Variants in IPPK observed in about 807,000 individuals in gnomAD.
IPPK encodes the protein inositol-pentakisphosphate 2-kinase, also known as IPK1 homolog.
A neutral mutation model predicts 64.6 loss-of-function variants in IPPK; 22 were observed. That is an observed-to-expected ratio of 0.34 (90% CI 0.24 to 0.49). The LOEUF is 0.49. Ranked by LOEUF, IPPK falls within the 20% of genes least tolerant of loss-of-function variation. The probability of loss-of-function intolerance (pLI) is 0.99; values close to 1 mark genes in which losing one functional copy is unlikely to be tolerated. For synonymous variants in IPPK, 262 were observed against 247.2 expected (o/e 1.06, Z -0.56); for missense variants, 532 against 630.7 (o/e 0.84, Z 1.68).
In IPPK at chr9:92,618,430, G is replaced by A. The variant is rs966139798; in HGVS notation, c.1250+1056C>T. 3 of 456,552 alleles carry A rather than the reference G, an allele frequency of 6.6e-6. No homozygotes were observed. In the East Asian group the frequency reaches 2.1e-4, roughly 32 times the overall value. The allele number at this position is 456,552 out of a possible 1,614,324, so 28.3% of individuals were successfully genotyped here. On this transcript the variant is annotated intron_variant, in intron 12 of 12. Transcript: ENST00000287996. ...ACTAAGAGATTCCCAGGTGCTAGAC[G>A]AGGTGAGTAACATGTCTGTCCTTCA...
chr9:92,627,499 C>G (rs547518165), intron 11 of IPPK, among the ~76,000 whole-genome samples: 1 of 152,146 alleles, frequency 6.6e-6, no homozygotes, highest in South Asian at 2.1e-4. Flanking sequence ...AAGGACAAGA[C>G]GCCATGACCA....
At chr9:92,664,479 C>T (rs181653585) in intron 1 of IPPK, among the ~76,000 whole-genome samples, 46 of 152,310 alleles carry the variant, frequency 3.0e-4, no homozygotes, top group Middle Eastern at 3.4e-3. Flanking sequence ...GCAACTCCGT[C>T]CTGACCTCAT....
Position 92,649,920 on chromosome 9 carries a change from G to T in IPPK, c.293-346C>A, listed in dbSNP as rs574678289. On this transcript the variant is annotated intron_variant, in intron 4 of 12. Coordinates refer to ENST00000287996, the MANE Select transcript of IPPK (RefSeq NM_022755.6). ...ACGTGCCTACAGTCCCAGCTACTCG[G>T]GAGGCTGAAGCAGGAGAATTGCTTG... Among the ~76,000 whole-genome samples the T allele has an allele frequency of 3.3e-5, 5 of 152,080 alleles. No homozygotes were observed. In the East Asian group the frequency reaches 5.8e-4, roughly 18 times the overall value.
rs1393784995 is a variant in IPPK, at chr9:92,648,105, T to C, written c.458A>G (p.Glu153Gly). The C allele has an allele frequency of 6.2e-7, 1 of 1,613,724 alleles. No individual in the cohort carries two copies. The highest frequency in any genetic ancestry group is 1.7e-5 in the Admixed American group (1 of 59,982). Residue 153 changes from glutamate to glycine, a missense_variant, in exon 6 of 13, where the codon GAG becomes GGG. Transcript: ENST00000287996. ...GTATCGACAGACCTTATGCTTCATC[T>C]CATGCGTGACATCACTCGAGAAAGG... ...FIPFSSDVTH[E>G]MKHKVCRYCM...
intron 6 of IPPK, among the ~76,000 whole-genome samples, chr9:92,645,037 A>AAT (rs1852123981): frequency 6.6e-6 from 1 of 152,242 alleles, no homozygotes; most frequent in African/African-American, 2.4e-5. Flanking sequence ...GAACAAGGAG[A>AAT]ATAATGTCTC....
intron 2 of IPPK, among the ~76,000 whole-genome samples, chr9:92,657,575 G>A (rs932358530): frequency 6.6e-6 from 1 of 152,174 alleles, no homozygotes; most frequent in South Asian, 2.1e-4. Context: ...GTCACTGAAT[G>A]CAGCAAAGAA....
chr9:92,636,678 T>G (rs1041310018), intron 9 of IPPK, among the ~76,000 whole-genome samples: 1 of 151,968 alleles, frequency 6.6e-6, no homozygotes, highest in African/African-American at 2.4e-5. Context: ...ATATATGTGA[T>G]GATATAGATA....
intron 4 of IPPK, among the ~76,000 whole-genome samples, chr9:92,650,236 T>C (rs1032159042): frequency 9.2e-5 from 14 of 151,512 alleles, no homozygotes; most frequent in Admixed American, 1.3e-4. Flanking sequence ...GGCAGGAGAA[T>C]TGCTTGAACC....
At position 92,635,577 on chromosome 9, in the gene IPPK, C is replaced by T. The variant is rs1049252774; in HGVS notation, c.917-269G>A. Among the ~76,000 whole-genome samples, 2 of 152,222 alleles carry T rather than the reference C, an allele frequency of 1.3e-5. No individual in the cohort carries two copies. Among genetic ancestry groups the T allele is most frequent in the Admixed American group, 6.5e-5 (1 of 15,290 alleles). On this transcript the variant is annotated intron_variant, in intron 9 of 12. Coordinates refer to ENST00000287996, the MANE Select transcript of IPPK (RefSeq NM_022755.6). This position sits in a 1 kb window ranked among gnomAD's most constrained non-coding sequence, Gnocchi z 4.4. The stretch of plus-strand genomic sequence containing the variant: ...AGCAAGAAATGCACATGTCCTGCCT[C>T]GTGGCTCTCCTCTCCCAACACAACT...
rs528133994 is a variant in IPPK at position 92,615,471 on chromosome 9, G to A, written c.*361C>T. On this transcript the variant is annotated 3_prime_UTR_variant, in exon 13 of 13. Coordinates refer to ENST00000287996, the MANE Select transcript of IPPK (RefSeq NM_022755.6). ...ACAATTCAAGTTTTCTATGTTAGGA[G>A]TCTGGTGGTAGCAGATCCAAACCTT... 5.0e-6 allele frequency: 1 copy of A among 201,942 alleles called. No individual in the cohort carries two copies. Among genetic ancestry groups the A allele is most frequent in the African/African-American group, 2.4e-5 (1 of 42,504 alleles). The allele number at this position is 201,942 out of a possible 1,614,324, so 12.5% of individuals were successfully genotyped here. A position where few individuals can be genotyped will look rare whatever the true frequency, so the allele number is the denominator to read the frequency against.
chr9:92,634,542 T>G (rs1463140383), intron 10 of IPPK, 54 bp from the exon 11 acceptor site: 2 of 1,263,772 alleles, frequency 1.6e-6, no homozygotes, highest in African/African-American at 2.9e-5. Context: ...GGAGGTTGTT[T>G]CTTAAACTGC....
At chr9:92,627,511 G>A (rs559175599) in intron 11 of IPPK, among the ~76,000 whole-genome samples, 1 of 152,328 alleles carries the variant, frequency 6.6e-6, no homozygotes, top group Admixed American at 6.5e-5. Context: ...CCATGACCAA[G>A]TGGGATTTAG....
intron 1 of IPPK, among the ~76,000 whole-genome samples, chr9:92,665,689 T>C (rs1271832829): frequency 2.0e-5 from 3 of 152,244 alleles, no homozygotes; most frequent in Non-Finnish European, 4.4e-5. Flanking sequence ...AACCACATCA[T>C]GCATCTTCTT....
At chr9:92,641,077 G>T (rs1284656816) in intron 7 of IPPK, among the ~76,000 whole-genome samples, 1 of 152,224 alleles carries the variant, frequency 6.6e-6, no homozygotes, top group African/African-American at 2.4e-5. Flanking sequence ...CTGAGGCACA[G>T]GAGTGGGAAC....
chr9:92,640,885 GGGCCGCTGGGAA>G (rs1318125636), intron 7 of IPPK, 103 bp from the exon 8 acceptor site: 4 of 817,892 alleles, frequency 4.9e-6, no homozygotes, highest in Non-Finnish European at 8.5e-6. Flanking sequence ...GTACTCCCAG[GGGCCGCTGGGAA>G]ACCCAGAGTC....
In IPPK at chr9:92,618,370, A is replaced by G. The variant is rs1288056473; in HGVS notation, c.1250+1116T>C. ...GACCCGGGCCTTCAGCTTTCCCCGCATGCTGGCTTTCCAATTTGACATCAC... is the reference window on the plus strand; with the variant it reads ...GACCCGGGCCTTCAGCTTTCCCCGCGTGCTGGCTTTCCAATTTGACATCAC... On this transcript the variant is annotated intron_variant, in intron 12 of 12. Coordinates refer to ENST00000287996, the MANE Select transcript of IPPK (RefSeq NM_022755.6). 4 of 456,492 alleles carry G rather than the reference A, an allele frequency of 8.8e-6. No individual in the cohort carries two copies. The East Asian group carries it at 2.1e-4, about 24-fold the overall frequency. 28.3% of individuals were successfully genotyped at this position (456,492 alleles called of 1,614,324 possible).
chr9:92,646,522 GA>G (rs1422487747), intron 6 of IPPK, among the ~76,000 whole-genome samples: 2 of 151,930 alleles, frequency 1.3e-5, no homozygotes, highest in Non-Finnish European at 2.9e-5. Context: ...GTTCGTCAAA[GA>G]AGAAAGCAAA....
intron 11 of IPPK, 62 bp from the exon 12 acceptor site, chr9:92,619,627 C>CTTCCT: frequency 7.0e-7 from 1 of 1,420,240 alleles, no homozygotes; most frequent in Admixed American, 2.0e-5. Flanking sequence ...CCCACACAAC[C>CTTCCT]TTCCTTCCCA....
intron 11 of IPPK, among the ~76,000 whole-genome samples, chr9:92,631,755 C>T (rs1006198815): frequency 2.6e-5 from 4 of 152,196 alleles, no homozygotes; most frequent in African/African-American, 9.7e-5. Context: ...TCAGATATCT[C>T]GGGTTTTACA....
Sources: gnomAD v4.1 joint callset for allele counts (sites outside exome capture counted in the v4.1 genomes callset) on GRCh38, gnomAD v4.1.1 for gene constraint, Gnocchi (gnomAD v3.1) non-coding constraint, MANE v1.5 for transcripts, NCBI Gene and HGNC (gene_info 2026-07-23, HGNC 2026-07-21) for gene names.